Variants in NRP2 observed in about 807,000 individuals in gnomAD.
The protein encoded by NRP2 is neuropilin 2, also known as neuropilin-2.
Under a neutral mutation model 110.4 loss-of-function variants are expected in NRP2, and 52 were observed. That is an observed-to-expected ratio of 0.47 (90% CI 0.38 to 0.59). The LOEUF is 0.59. NRP2 is among the 20% of genes least tolerant of loss of function. The pLI is 0.00. For synonymous variants in NRP2, 508 were observed against 468.9 expected, an observed-to-expected ratio of 1.08 and a Z score of -1.08; for missense variants, 1,049 against 1,203.0, an observed-to-expected ratio of 0.87 and a Z score of 1.89.
At chr2:205,728,076 A>G (rs1479873842) in intron 7 of NRP2, 30 bp downstream of exon 7, 1 of 1,613,670 alleles carries the variant, frequency 6.2e-7, no homozygotes, top group Admixed American at 1.7e-5. Flanking sequence ...TTAAAGGCAC[A>G]TTGGACCAGG....
At chr2:205,696,623 T>G (rs1276701234) in intron 1 of NRP2, among the ~76,000 whole-genome samples, 1 of 152,212 alleles carries the variant, frequency 6.6e-6, no homozygotes, top group Admixed American at 6.5e-5. Flanking sequence ...GGTGGCTCCC[T>G]TCCCTCCCAG....
chr2:205,781,381 C>T (rs946869897), intron 15 of NRP2, among the ~76,000 whole-genome samples: 3 of 152,238 alleles, frequency 2.0e-5, no homozygotes, highest in Non-Finnish European at 4.4e-5. Context: ...AGGCCTAGGC[C>T]GGTCTGTTTC....
chr2:205,740,399 A>G, intron 7 of NRP2, 120 bp from the exon 8 acceptor site: 1 of 1,059,066 alleles, frequency 9.4e-7, no homozygotes, highest in Non-Finnish European at 1.5e-6. Context: ...CCCACTGATT[A>G]TTTTTAAGCT....
chr2:205,740,480 A>G (rs767262536), intron 7 of NRP2, 39 bp from the exon 8 acceptor site: 1 of 1,613,284 alleles, frequency 6.2e-7, no homozygotes, highest in East Asian at 2.2e-5. Context: ...AACTACAAAC[A>G]GGGGTTTCAA....
At chr2:205,720,679 C>A (rs767810863) in intron 3 of NRP2, among the ~76,000 whole-genome samples, 1 of 152,206 alleles carries the variant, frequency 6.6e-6, no homozygotes, top group Non-Finnish European at 1.5e-5. Flanking sequence ...TTCAAAATTC[C>A]TCTTGGCCCC....
At chr2:205,707,728 G>A (rs143488140) in intron 2 of NRP2, among the ~76,000 whole-genome samples, 1 of 152,132 alleles carries the variant, frequency 6.6e-6, no homozygotes, top group South Asian at 2.1e-4. Context: ...GCAGGCTCCC[G>A]TTTTTTGGAC....
intron 15 of NRP2, 104 bp from the exon 16 acceptor site, chr2:205,792,131 G>C (rs906299399): frequency 1.3e-6 from 1 of 779,552 alleles, no homozygotes; most frequent in African/African-American, 1.7e-5. Context: ...TTCTCTAGCT[G>C]CCTGCCAGAA....
At chr2:205,743,003 A>G (rs2057469745) in intron 8 of NRP2, among the ~76,000 whole-genome samples, 200 bp from the exon 9 acceptor site, 1 of 152,242 alleles carries the variant, frequency 6.6e-6, no homozygotes, top group South Asian at 2.1e-4. Context: ...AGTAAGTGGC[A>G]GAGTGAACAT....
chr2:205,694,501 A>G (rs79303291), intron 1 of NRP2, among the ~76,000 whole-genome samples: 2,404 of 152,296 alleles, frequency 0.016, 65 homozygotes, highest in African/African-American at 0.054. Flanking sequence ...TTCACAAAAT[A>G]GTTGCAGAAT....
chr2:205,688,806 T>A (rs551437114), intron 1 of NRP2, among the ~76,000 whole-genome samples: 2 of 151,892 alleles, frequency 1.3e-5, no homozygotes, highest in African/African-American at 4.8e-5. Flanking sequence ...AAGAGTAGGA[T>A]TGAGAAGAAA....
At chr2:205,688,874 A>C (rs2056240252) in intron 1 of NRP2, among the ~76,000 whole-genome samples, 2 of 152,180 alleles carry the variant, frequency 1.3e-5, no homozygotes, top group African/African-American at 2.4e-5. Flanking sequence ...AAAAAACAAA[A>C]AAACCCTTCG....
chr2:205,719,758 CTG>C (rs1238049457), intron 3 of NRP2, among the ~76,000 whole-genome samples: 1 of 152,186 alleles, frequency 6.6e-6, no homozygotes, highest in African/African-American at 2.4e-5. Flanking sequence ...GGTAAATCCA[CTG>C]TGTTTTAAAT....
chr2:205,740,654 C>A lies in NRP2; in HGVS notation c.1282C>A (p.Arg428=), dbSNP rs139711818. 1 of 1,614,124 alleles carries A rather than the reference C, an allele frequency of 6.2e-7. No individual in the cohort carries two copies. Among genetic ancestry groups the A allele is most frequent in the Non-Finnish European group, 8.5e-7 (1 of 1,180,036 alleles). ...CCTCCGGCTGGAGCTCTTCGGCTGC[C>A]GGGTCACAGGTGAGGTGGGGGCTCC... The part of the protein sequence containing the change: ...IALRLELFGC[R]VTDAPCSNML... The change falls in exon 8 of 17, where the codon CGG becomes AGG. Residue 428 remains arginine, a synonymous_variant. Coordinates refer to ENST00000357785, the MANE Select transcript of NRP2 (RefSeq NM_003872.3).
chr2:205,745,150 A>C (rs849566), intron 9 of NRP2, among the ~76,000 whole-genome samples: 1 of 152,114 alleles, frequency 6.6e-6, no homozygotes, highest in African/African-American at 2.4e-5. Context: ...CTGGGGCTCC[A>C]TGTGAGGTTT....
chr2:205,694,790 A>C (rs2105881253), intron 1 of NRP2, among the ~76,000 whole-genome samples: 1 of 152,356 alleles, frequency 6.6e-6, no homozygotes. Context: ...CCCCAACCCT[A>C]GAAAGGAAAG....
intron 12 of NRP2, among the ~76,000 whole-genome samples, chr2:205,758,190 AG>A (rs1445481032): frequency 1.3e-5 from 2 of 152,250 alleles, no homozygotes; most frequent in African/African-American, 4.8e-5. Flanking sequence ...AGACCTTGGA[AG>A]GCCAGCTGAG....
At chr2:205,743,647 G>T in intron 9 of NRP2, 95 bp downstream of exon 9, 1 of 1,523,320 alleles carries the variant, frequency 6.6e-7, no homozygotes, top group Non-Finnish European at 8.8e-7. Flanking sequence ...CATCTAAACA[G>T]TCGTCATCCA....
chr2:205,700,052 A>G (rs758514658), intron 2 of NRP2, among the ~76,000 whole-genome samples: 1 of 150,546 alleles, frequency 6.6e-6, no homozygotes, highest in Non-Finnish European at 1.5e-5. Flanking sequence ...TCTTCAAGGT[A>G]TTTTTGACAT....
intron 7 of NRP2, chr2:205,740,116 A>T: frequency 3.4e-6 from 1 of 296,486 alleles, no homozygotes; most frequent in Non-Finnish European, 6.6e-6. Context: ...TGCCTGCAAC[A>T]TGAGGAAGAG....
Sources: allele counts gnomAD v4.1 joint callset (sites outside exome capture counted in the v4.1 genomes callset), GRCh38; gene constraint gnomAD v4.1.1; transcripts MANE v1.5; gene names NCBI Gene and HGNC (gene_info 2026-07-23, HGNC 2026-07-21).